The following KDM3A variants were observed in gnomAD, a reference collection of about 807,000 sequenced individuals.
KDM3A encodes the protein lysine demethylase 3A.
A neutral mutation model predicts 158.0 loss-of-function variants in KDM3A; 60 were observed. The observed-to-expected ratio is 0.38, with a 90% CI of 0.31 to 0.47. KDM3A has a LOEUF of 0.47. Among genes scored for constraint, KDM3A ranks in the 20% least tolerant of loss-of-function variants. KDM3A has a pLI of 0.99. For missense variants in KDM3A, 1,319 were observed against 1,574.3 expected (o/e 0.84, Z 2.74); for synonymous variants, 608 against 549.3 (o/e 1.11, Z -1.49).
intron 11 of KDM3A, among the ~76,000 whole-genome samples, chr2:86,472,132 C>CT (rs1673446647): frequency 6.8e-6 from 1 of 147,488 alleles, no homozygotes; most frequent in Admixed American, 6.8e-5. Context: ...ATTTTTTTTT[C>CT]TTTCTTTTGT....
chr2:86,461,149 G>A (rs1558613307), intron 8 of KDM3A, among the ~76,000 whole-genome samples: 1 of 152,138 alleles, frequency 6.6e-6, no homozygotes, highest in Non-Finnish European at 1.5e-5. Context: ...GCTAGGAAGT[G>A]TTAGAGACTG....
rs143719053 is a variant in KDM3A at position 86,474,968 on chromosome 2, T to G, written c.1917T>G (p.Ala639=). 5.3e-4 allele frequency: 863 copies of G among 1,614,044 alleles called. 12 individuals carry two copies. In the East Asian group the frequency reaches 0.017, roughly 32 times the overall value. ...FCQMVISEKE[A]MSTIEPHRQV... is the part of the protein sequence containing the mutation. ...AAATGGTGATTTCTGAAAAGGAAGC[T>G]ATGTCAACTATTGAGCCACACAGTA... Residue 639 remains alanine (A), a synonymous_variant, in exon 12 of 26, where the codon GCT becomes GCG. Coordinates refer to ENST00000312912, the MANE Select transcript of KDM3A (RefSeq NM_018433.6).
At chr2:86,483,907 C>G in intron 18 of KDM3A, 80 bp from the exon 19 acceptor site, 1 of 1,085,268 alleles carries the variant, frequency 9.2e-7, no homozygotes, top group Non-Finnish European at 1.4e-6. Context: ...ATACCAATAG[C>G]AGTGTGAAGA....
At chr2:86,485,889 G>T (rs1183976066) in intron 21 of KDM3A, 30 bp downstream of exon 21, 1 of 1,594,532 alleles carries the variant, frequency 6.3e-7, no homozygotes, top group Admixed American at 1.7e-5. Context: ...CTTTAAAATG[G>T]AAATAAAACA....
intron 15 of KDM3A, 131 bp downstream of exon 15, chr2:86,478,866 GAA>G (rs537015923): frequency 4.2e-4 from 350 of 841,050 alleles, no homozygotes; most frequent in Non-Finnish European, 6.1e-4. Flanking sequence ...AAGAGAGAGA[GAA>G]AGAATTCATA....
intron 11 of KDM3A, among the ~76,000 whole-genome samples, chr2:86,472,065 T>C (rs1237320000): frequency 6.6e-6 from 1 of 152,192 alleles, no homozygotes; most frequent in Non-Finnish European, 1.5e-5. Context: ...ATGAAAAATA[T>C]AACTAGATTG....
intron 16 of KDM3A, among the ~76,000 whole-genome samples, chr2:86,480,743 T>G (rs1558627756): frequency 1.3e-5 from 2 of 152,186 alleles, no homozygotes; most frequent in African/African-American, 4.8e-5. Context: ...AAGGAGCTCT[T>G]AAAAGAACTC....
chr2:86,462,412 T>A (rs1201809562), intron 8 of KDM3A, among the ~76,000 whole-genome samples: 2 of 152,154 alleles, frequency 1.3e-5, no homozygotes, highest in Admixed American at 1.3e-4. Context: ...TCAAAATGAT[T>A]TAGCATTAAA....
At chr2:86,489,900 A>C (rs1046290732) in intron 23 of KDM3A, 6 of 378,856 alleles carry the variant, frequency 1.6e-5, no homozygotes, top group Non-Finnish European at 2.8e-5. Flanking sequence ...GTTAGAGTGC[A>C]TTTAGAGATT....
At position 86,478,259 on chromosome 2, in the gene KDM3A, G is replaced by T; in HGVS notation, c.2182G>T (p.Gly728Ter). 1 of 1,606,726 alleles carries T rather than the reference G, an allele frequency of 6.2e-7. No individual in the cohort carries two copies. The highest frequency in any genetic ancestry group is 1.1e-5 in the South Asian group (1 of 90,902). The part of the protein sequence containing the change: ...ENLMPTQIIP[G>*]KALYDVGDIV... Reference sequence around the variant, plus strand: ...CTTAATGCCCACACAGATCATTCCTGGAAAAGGTATTTCATGTGCTGCAGT... The same window carrying T: ...CTTAATGCCCACACAGATCATTCCTTGAAAAGGTATTTCATGTGCTGCAGT... Residue 728 changes from glycine (G) to a stop codon, truncating the protein, a stop_gained, in exon 14 of 26, where the codon GGA becomes TGA. Transcript: ENST00000312912. LOFTEE classifies it high-confidence loss of function.
chr2:86,487,124 G>A (rs757311344), intron 21 of KDM3A: 3 of 152,152 alleles, frequency 2.0e-5, no homozygotes, highest in Non-Finnish European at 2.9e-5. Flanking sequence ...CCAATAAATT[G>A]TATAGTTTAT....
chr2:86,447,596 A>G (rs1171106850), intron 2 of KDM3A, among the ~76,000 whole-genome samples: 1 of 152,138 alleles, frequency 6.6e-6, no homozygotes, highest in East Asian at 1.9e-4. Context: ...GTCTTGCCAG[A>G]CACTTTACAT....
chr2:86,471,389 A>G (rs181278141), intron 11 of KDM3A, among the ~76,000 whole-genome samples: 433 of 151,482 alleles, frequency 2.9e-3, no homozygotes, highest in East Asian at 9.3e-3. Context: ...ATATGTGTGT[A>G]TATATATATA....
At position 86,470,350 on chromosome 2, in the gene KDM3A, A is replaced by G. The variant is rs1673346495; in HGVS notation, c.1666A>G (p.Lys556Glu). The change falls in exon 11 of 26, where the codon AAG becomes GAG. Residue 556 changes from lysine (K) to glutamate (E), a missense_variant. Coordinates refer to ENST00000312912, the MANE Select transcript of KDM3A (RefSeq NM_018433.6). ...CRECRLDSLR[K>E]DKEQQKDSPV... is the part of the protein sequence containing the mutation. ...AGAGTGTCGCTTGGACAGTCTCCGC[A>G]AGGATAAGGAGCAACAGAAGGACTC... is the stretch of plus-strand genomic sequence containing the variant. 6.2e-7 allele frequency: 1 copy of G among 1,614,068 alleles called. No homozygotes were observed. The highest frequency in any genetic ancestry group is 8.5e-7 in the Non-Finnish European group (1 of 1,179,970).
At chr2:86,454,138 T>G (rs1037035441) in intron 4 of KDM3A, among the ~76,000 whole-genome samples, 3 of 152,216 alleles carry the variant, frequency 2.0e-5, no homozygotes, top group African/African-American at 7.2e-5. Flanking sequence ...CACCTCCCTT[T>G]TTGTAAAAAA....
intron 5 of KDM3A, 134 bp downstream of exon 5, chr2:86,455,321 G>A (rs958770875): frequency 1.0e-5 from 6 of 578,350 alleles, no homozygotes; most frequent in Non-Finnish European, 1.2e-5. Flanking sequence ...AGACAGTCTA[G>A]TTCCTAGGCT....
rs1673591238 is a variant in KDM3A, at chr2:86,474,827, A to C, written c.1776A>C (p.Pro592=). 2 of 1,613,570 alleles carry C rather than the reference A, an allele frequency of 1.2e-6. No homozygotes were observed. The highest frequency in any genetic ancestry group is 2.7e-5 in the African/African-American group (2 of 74,754). Residue 592 remains proline, a synonymous_variant, in exon 12 of 26, where the codon CCA becomes CCC. Transcript: ENST00000312912. ...GVLRVEGFLT[P]NKYDNEAIGL... is the part of the protein sequence containing the mutation. ...TGCGGGTAGAAGGCTTCTTAACACC[A>C]AACAAGTATGACAATGAAGCAATTG...
At chr2:86,455,945 C>A (rs1208421875) in intron 5 of KDM3A, among the ~76,000 whole-genome samples, 1 of 143,390 alleles carries the variant, frequency 7.0e-6, no homozygotes, top group Non-Finnish European at 1.5e-5. Flanking sequence ...GAGAGCAAGA[C>A]CCTGTCTCAA....
chr2:86,470,455 T>C (rs748176569), intron 11 of KDM3A, 47 bp downstream of exon 11: 4 of 1,492,764 alleles, frequency 2.7e-6, no homozygotes, highest in East Asian at 2.3e-5. Context: ...ATACTTGTTA[T>C]GCTAGATCAT....
Sources: allele counts gnomAD v4.1 joint callset (sites outside exome capture counted in the v4.1 genomes callset), GRCh38; gene constraint gnomAD v4.1.1; transcripts MANE v1.5; gene names NCBI Gene and HGNC (gene_info 2026-07-23, HGNC 2026-07-21).